Variants in ARHGAP40 observed in about 807,000 individuals in gnomAD.
The protein encoded by ARHGAP40 is rho GTPase-activating protein 40.
A neutral mutation model predicts 73.5 loss-of-function variants in ARHGAP40; 43 were observed. That is an observed-to-expected ratio of 0.58 (90% CI 0.46 to 0.75). The LOEUF (loss-of-function observed/expected upper bound fraction) is 0.75. ARHGAP40 is among the 30% of genes least tolerant of loss of function. The pLI is 0.00. For missense variants in ARHGAP40, 734 were observed against 861.8 expected, an observed-to-expected ratio of 0.85 and a Z score of 1.86; for synonymous variants, 300 against 352.8, an observed-to-expected ratio of 0.85 and a Z score of 1.68.
intron 5 of ARHGAP40, among the ~76,000 whole-genome samples, chr20:38,631,131 A>G (rs2145606773): frequency 6.6e-6 from 1 of 152,098 alleles, no homozygotes; most frequent in East Asian, 1.9e-4. Context: ...GGGCAACATA[A>G]CAATACCCCA....
Position 38,619,679 on chromosome 20 carries a change from G to A in ARHGAP40, c.138-3680G>A, listed in dbSNP as rs537442674. Among the ~76,000 whole-genome samples, 27 of 147,216 alleles carry A rather than the reference G, an allele frequency of 1.8e-4. No individual in the cohort carries two copies. In the South Asian group the frequency reaches 2.4e-3, roughly 13 times the overall value. Reference sequence around the variant, plus strand: ...GGGCTTTCAACCTGGGTTCGTATCCGGGCTTTGTCACTTGCCAATGGGACA... The same window carrying A: ...GGGCTTTCAACCTGGGTTCGTATCCAGGCTTTGTCACTTGCCAATGGGACA... On this transcript the variant is annotated intron_variant, in intron 1 of 14. Coordinates refer to ENST00000373345, the Ensembl canonical transcript of ARHGAP40.
At chr20:38,602,859 C>G (rs1053276734) in intron 1 of ARHGAP40, among the ~76,000 whole-genome samples, 1 of 152,180 alleles carries the variant, frequency 6.6e-6, no homozygotes. Flanking sequence ...ACTTTAGTGG[C>G]CTGCCAGGAT....
chr20:38,603,518 CATCT>C (rs898692119), intron 1 of ARHGAP40, among the ~76,000 whole-genome samples: 2 of 147,222 alleles, frequency 1.4e-5, no homozygotes, highest in East Asian at 1.9e-4. Context: ...TCTATCTATC[CATCT>C]ATCTATTCAT....
chr20:38,613,460 T>TGC (rs968804452), intron 1 of ARHGAP40, among the ~76,000 whole-genome samples: 6 of 152,312 alleles, frequency 3.9e-5, no homozygotes, highest in African/African-American at 1.4e-4. Flanking sequence ...CAACAATAGG[T>TGC]GCCCAGGTCC....
intron 1 of ARHGAP40, among the ~76,000 whole-genome samples, chr20:38,617,679 A>G (rs1326257635): frequency 6.6e-6 from 1 of 151,284 alleles, no homozygotes; most frequent in Non-Finnish European, 1.5e-5. Context: ...CTGCAGGAAT[A>G]TATTTCTTCA....
chr20:38,623,281 AG>A, intron 1 of ARHGAP40, 77 bp from the exon 2 acceptor site: 1 of 1,121,750 alleles, frequency 8.9e-7, no homozygotes, highest in Non-Finnish European at 1.1e-6. Flanking sequence ...TGATTTCTGG[AG>A]AGCCACAAGC....
intron 1 of ARHGAP40, among the ~76,000 whole-genome samples, chr20:38,618,716 C>T (rs1347928153): frequency 2.6e-5 from 4 of 152,118 alleles, no homozygotes; most frequent in African/African-American, 9.7e-5. Flanking sequence ...TGCATGTCAC[C>T]TGGCACTTGG....
intron 5 of ARHGAP40, 85 bp downstream of exon 5, chr20:38,629,735 A>G (rs112491687): frequency 1.6e-6 from 2 of 1,218,422 alleles, no homozygotes; most frequent in African/African-American, 1.6e-5. Context: ...TTCCACACTG[A>G]CAGGCATCCA....
chr20:38,644,709 T>C (rs170217), intron 11 of ARHGAP40, among the ~76,000 whole-genome samples: 94,254 of 144,144 alleles, frequency 0.65, 31,574 homozygotes, highest in African/African-American at 0.84. Flanking sequence ...TCCACCCATA[T>C]GCCAATCTAT....
chr20:38,642,185 T>C (rs2089022937), intron 10 of ARHGAP40, among the ~76,000 whole-genome samples: 1 of 152,248 alleles, frequency 6.6e-6, no homozygotes, highest in South Asian at 2.1e-4. Context: ...GATTAGAGTA[T>C]GCAGCACTCT....
rs1425492107 is a variant in ARHGAP40, at chr20:38,646,186, C to A, written c.1709C>A (p.Ala570Glu). The change falls in exon 12 of 15, where the codon GCG becomes GAG. Residue 570 changes from alanine (A) to glutamate (E), a missense_variant and splice_region_variant. Ala to Glu is a moderately radical substitution (Grantham distance 107). Transcript: ENST00000373345. This position sits in a 1 kb window ranked among gnomAD's most constrained non-coding sequence, Gnocchi z 4.5. Reference sequence around the variant, plus strand: ...GACAAGGCGGGGGACGGCCTCGAGGCGGTGAGTGCCCCCGACCCCAGACAG... The same window carrying A: ...GACAAGGCGGGGGACGGCCTCGAGGAGGTGAGTGCCCCCGACCCCAGACAG... The A allele has an allele frequency of 4.6e-6, 6 of 1,299,922 alleles. No homozygotes were observed. Among genetic ancestry groups the A allele is most frequent in the Non-Finnish European group, 6.1e-6 (6 of 986,428 alleles). 80.5% of individuals were successfully genotyped at this position (1,299,922 alleles called of 1,614,324 possible).
chr20:38,617,850 C>T (rs576080374), intron 1 of ARHGAP40, among the ~76,000 whole-genome samples: 1 of 152,310 alleles, frequency 6.6e-6, no homozygotes, highest in African/African-American at 2.4e-5. Context: ...CTGAGGACTT[C>T]CTATTCTAAG....
chr20:38,623,696 C>G (rs532275824), intron 2 of ARHGAP40, 138 bp downstream of exon 2: 1 of 568,940 alleles, frequency 1.8e-6, no homozygotes, highest in Admixed American at 4.2e-5. Flanking sequence ...ATCCTCTTCA[C>G]TGCTCTCCCT....
intron 7 of ARHGAP40, 101 bp downstream of exon 7, chr20:38,637,900 C>A: frequency 1.0e-6 from 1 of 964,540 alleles, no homozygotes. Flanking sequence ...AAAGGATGTG[C>A]TTTAGAATCA....
At chr20:38,623,336 T>G (rs565688332) in intron 1 of ARHGAP40, 23 bp from the exon 2 acceptor site, 1 of 1,275,222 alleles carries the variant, frequency 7.8e-7, no homozygotes, top group Admixed American at 2.3e-5. Flanking sequence ...CTGACCTCCC[T>G]GCACCTTCCC....
At position 38,641,708 on chromosome 20, in the gene ARHGAP40, G is replaced by A; in HGVS notation, c.1280-18G>A. On this transcript the variant is annotated intron_variant, in intron 9 of 14. Transcript: ENST00000373345. ...CCCTGAGCCTCCCATGGAGACTGAG[G>A]TCCCTCCCTTCCCGCAGACATCCCC... The A allele has an allele frequency of 1.5e-6, 2 of 1,293,800 alleles. No homozygotes were observed. The highest frequency in any genetic ancestry group is 2.5e-5 in the South Asian group (2 of 78,792). 80.1% of individuals were successfully genotyped at this position (1,293,800 alleles called of 1,614,324 possible).
chr20:38,621,965 G>C (rs1425992812), intron 1 of ARHGAP40, among the ~76,000 whole-genome samples: 1 of 152,104 alleles, frequency 6.6e-6, no homozygotes, highest in Non-Finnish European at 1.5e-5. Flanking sequence ...TGAGGTGGGA[G>C]GATGGCTTGA....
chr20:38,634,594 G>A (rs760282240), intron 5 of ARHGAP40, 26 bp from the exon 6 acceptor site: 11 of 1,305,232 alleles, frequency 8.4e-6, no homozygotes, highest in Admixed American at 4.6e-5. Context: ...CTGACAAATT[G>A]TCTTTACTTC....
Position 38,637,391 on chromosome 20 carries a change from C to T in ARHGAP40, c.950-317C>T, listed in dbSNP as rs111635864. 6.7e-3 allele frequency among the ~76,000 whole-genome samples: 1,027 copies of T among 152,188 alleles called. 17 individuals carry two copies. Among genetic ancestry groups the T allele is most frequent in the African/African-American group, 0.02 (849 of 41,522 alleles). ...CTCGACCTCCTGACCTCAGGTGATC[C>T]GCCTGTCTCAGCCTCCCAAAGTGCT... On this transcript the variant is annotated intron_variant, in intron 6 of 14. Transcript: ENST00000373345.
Sources: allele counts gnomAD v4.1 joint callset (sites outside exome capture counted in the v4.1 genomes callset), GRCh38; gene constraint gnomAD v4.1.1; non-coding constraint Gnocchi (gnomAD v3.1); transcripts MANE v1.5; gene names NCBI Gene and HGNC (gene_info 2026-07-23, HGNC 2026-07-21).